QNG1: variants seen among roughly 807,000 people sequenced by gnomAD.
The protein encoded by QNG1 is Q-nucleotide N-glycosylase 1, also known as queuosine 5'-phosphate N-glycosylase/hydrolase.
the QNG1 span, among the ~76,000 whole-genome samples, chr9:83,944,014 C>A: frequency 7.3e-6 from 1 of 137,196 alleles, no homozygotes; most frequent in Non-Finnish European, 1.5e-5. Context: ...GAGTGAGACT[C>A]CGTCTCAAAC....
chr9:83,943,473 G>C, the QNG1 span, among the ~76,000 whole-genome samples: 1 of 151,784 alleles, frequency 6.6e-6, no homozygotes, highest in South Asian at 2.1e-4. Flanking sequence ...AATAAGCCCT[G>C]ATTGCTAAAT....
chr9:83,949,227 C>G, the QNG1 span, among the ~76,000 whole-genome samples: 1 of 152,136 alleles, frequency 6.6e-6, no homozygotes, highest in Admixed American at 6.6e-5. Context: ...AACATTCCTA[C>G]ATTATGCTAT....
At chr9:83,946,908 T>C in the QNG1 span, among the ~76,000 whole-genome samples, 1 of 151,970 alleles carries the variant, frequency 6.6e-6, no homozygotes, top group Non-Finnish European at 1.5e-5. Flanking sequence ...CTACAAATTT[T>C]TTTTTTTTTT....
the QNG1 span, among the ~76,000 whole-genome samples, chr9:83,951,006 G>A: frequency 6.6e-6 from 1 of 152,214 alleles, no homozygotes; most frequent in Admixed American, 6.5e-5. Context: ...GGTAGCTCAT[G>A]CCTGTAATCC....
the QNG1 span, chr9:83,938,455 T>C: frequency 6.6e-6 from 1 of 152,142 alleles, no homozygotes; most frequent in African/African-American, 2.4e-5. Flanking sequence ...AGTGTCAAGA[T>C]TGATTTTTAC....
At chr9:83,942,060 A>G in the QNG1 span, among the ~76,000 whole-genome samples, 5 of 152,196 alleles carry the variant, frequency 3.3e-5, no homozygotes, top group Non-Finnish European at 7.3e-5. Flanking sequence ...TATTCCCAAG[A>G]GCCTTTAGAG....
chr9:83,941,115 G>A, the QNG1 span, among the ~76,000 whole-genome samples: 1 of 152,312 alleles, frequency 6.6e-6, no homozygotes, highest in East Asian at 1.9e-4. Context: ...TCCACTTGGC[G>A]GCTGGACTGT....
At chr9:83,955,332 A>G in the QNG1 span, 1 of 1,563,200 alleles carries the variant, frequency 6.4e-7, no homozygotes. Context: ...TAAAAGAGTT[A>G]ACTCTGAGAT....
chr9:83,952,277 C>G, the QNG1 span, among the ~76,000 whole-genome samples: 2 of 152,234 alleles, frequency 1.3e-5, no homozygotes, highest in Non-Finnish European at 2.9e-5. Context: ...AGCCACCATG[C>G]CTGGCCCATT....
At chr9:83,951,508 C>T in the QNG1 span, among the ~76,000 whole-genome samples, 1 of 152,172 alleles carries the variant, frequency 6.6e-6, no homozygotes, top group Admixed American at 6.5e-5. Flanking sequence ...TTGCAGTGAG[C>T]CGAGATTGCG....
At chr9:83,942,865 A>C in the QNG1 span, among the ~76,000 whole-genome samples, 1 of 152,196 alleles carries the variant, frequency 6.6e-6, no homozygotes, top group Non-Finnish European at 1.5e-5. Flanking sequence ...CTGGAGTTGA[A>C]ATGGATGGGA....
chr9:83,943,331 CAAAAAA>C, the QNG1 span, among the ~76,000 whole-genome samples: 3 of 62,546 alleles, frequency 4.8e-5, no homozygotes, highest in Non-Finnish European at 1.0e-4. Flanking sequence ...CAGAGCGTCT[CAAAAAA>C]AAAAAAAAAA....
the QNG1 span, among the ~76,000 whole-genome samples, chr9:83,950,596 C>CTTTTTTTTT: frequency 8.5e-6 from 1 of 118,326 alleles, no homozygotes; most frequent in Non-Finnish European, 1.8e-5. Context: ...CTTTTCTTTT[C>CTTTTTTTTT]TTTTTTTTTT....
chr9:83,945,418 A>T, the QNG1 span, among the ~76,000 whole-genome samples: 1 of 147,968 alleles, frequency 6.8e-6, no homozygotes, highest in African/African-American at 2.5e-5. Flanking sequence ...AAAAAAAAAA[A>T]TTCATAGATC....
chr9:83,948,538 C>A, the QNG1 span, among the ~76,000 whole-genome samples: 3 of 151,914 alleles, frequency 2.0e-5, no homozygotes, highest in African/African-American at 7.2e-5. Flanking sequence ...TGCCTGGCCG[C>A]CCCGTCTGGG....
the QNG1 span, chr9:83,939,852 T>C: frequency 1.2e-5 from 9 of 723,776 alleles, no homozygotes; most frequent in Admixed American, 2.1e-4. Flanking sequence ...ATTTTAAAAC[T>C]GTAAATCTCA....
At chr9:83,948,676 A>C in the QNG1 span, among the ~76,000 whole-genome samples, 450 of 152,356 alleles carry the variant, frequency 3.0e-3, 1 homozygote, top group Non-Finnish European at 4.8e-3. Flanking sequence ...GGGAAAGGAA[A>C]GAGGGATCGG....
At chr9:83,950,811 G>A in the QNG1 span, among the ~76,000 whole-genome samples, 3 of 151,796 alleles carry the variant, frequency 2.0e-5, no homozygotes, top group African/African-American at 7.3e-5. Context: ...ATGTTGCCTA[G>A]GCTGGTCTTG....
At chr9:83,944,958 TG>T in the QNG1 span, 22 of 1,607,204 alleles carry the variant, frequency 1.4e-5, no homozygotes, top group Non-Finnish European at 1.9e-5. Context: ...TACAAGGATT[TG>T]GGCTCGTTTG....
Sources: allele counts gnomAD v4.1 joint callset (sites outside exome capture counted in the v4.1 genomes callset), GRCh38; gene constraint gnomAD v4.1.1; transcripts MANE v1.5; gene names NCBI Gene and HGNC (gene_info 2026-07-23, HGNC 2026-07-21).